The following DMD variants were observed in gnomAD, a reference collection of about 807,000 sequenced individuals.
The protein encoded by DMD is mutant dystrophin.
Under a neutral mutation model 330.1 loss-of-function variants are expected in DMD, and 63 were observed. The ratio of observed to expected loss-of-function variants is 0.19; its 90% CI spans 0.16 to 0.24. DMD has a LOEUF of 0.24. Ranked by LOEUF, DMD falls within the 10% of genes least tolerant of loss-of-function variation. The probability of loss-of-function intolerance (pLI) is 1.00; values close to 1 mark genes in which losing one functional copy is unlikely to be tolerated. For missense variants in DMD, 3,344 were observed against 2,684.1 expected, an observed-to-expected ratio of 1.25 and a Z score of -5.43; for synonymous variants, 1,223 against 959.8, an observed-to-expected ratio of 1.27 and a Z score of -5.07.
At chrX:32,734,737 G>A (rs747067414) in intron 7 of DMD, among the ~76,000 whole-genome samples, 4 of 109,981 alleles carry the variant, frequency 3.6e-5, no homozygotes, top group African/African-American at 6.8e-5. Context: ...AAAACTCTCA[G>A]TAAATTAGGT....
chrX:32,895,039 A>C (rs1288015780), intron 2 of DMD, among the ~76,000 whole-genome samples: 1 of 112,298 alleles, frequency 8.9e-6, no homozygotes, highest in Non-Finnish European at 1.9e-5. Context: ...TGTAAACAAC[A>C]ACCTTCTCCT....
In DMD at chrX:31,973,605, A is replaced by G. The variant is rs1238214309; in HGVS notation, c.6439-5091T>C. On this transcript the variant is annotated intron_variant, in intron 44 of 78. Transcript: ENST00000357033. ...CTCCTCACTTTCAAGCTTAGCTCCA[A>G]TGCCCAGTAAAACTGAGTAACTTTC... Among the ~76,000 whole-genome samples the G allele has an allele frequency of 4.5e-5, 5 of 111,157 alleles. No homozygotes were observed. In the East Asian group the frequency reaches 1.4e-3, roughly 32 times the overall value.
intron 29 of DMD, among the ~76,000 whole-genome samples, chrX:32,416,315 A>C (rs1189599440): frequency 1.8e-5 from 2 of 112,349 alleles, no homozygotes; most frequent in Non-Finnish European, 3.8e-5. Flanking sequence ...TTATGCTTGC[A>C]AATGGATTAA....
At chrX:31,191,875 T>C (rs1602546240) in intron 67 of DMD, among the ~76,000 whole-genome samples, 1 of 112,771 alleles carries the variant, frequency 8.9e-6, no homozygotes, top group Non-Finnish European at 1.9e-5. Flanking sequence ...TTGGCATTAA[T>C]AGCTGACAAC....
At chrX:31,190,309 T>A (rs2042191915) in intron 67 of DMD, among the ~76,000 whole-genome samples, 1 of 110,640 alleles carries the variant, frequency 9.0e-6, no homozygotes, top group Admixed American at 9.7e-5. Context: ...ATAGTTCGTT[T>A]CAGATGCTCA....
At chrX:31,859,271 A>C (rs752488723) in intron 48 of DMD, among the ~76,000 whole-genome samples, 1 of 111,851 alleles carries the variant, frequency 8.9e-6, no homozygotes, top group Non-Finnish European at 1.9e-5. Context: ...AAGACTGGTC[A>C]TTATCCATGA....
At chrX:32,879,002 C>T (rs1206497486) in intron 2 of DMD, among the ~76,000 whole-genome samples, 1 of 89,452 alleles carries the variant, frequency 1.1e-5, no homozygotes, top group Non-Finnish European at 2.2e-5. Context: ...ACCAAGACTA[C>T]GTCTCAAAAA....
chrX:33,045,714 T>C (rs984719638), intron 1 of DMD, among the ~76,000 whole-genome samples: 19 of 110,950 alleles, frequency 1.7e-4, no homozygotes, highest in Non-Finnish European at 3.4e-4. Context: ...CATTATAATG[T>C]CCTCTTAGGG....
Position 32,849,704 on chromosome X carries a change from C to A in DMD, c.186+24G>T, listed in dbSNP as rs771284910. 4.5e-6 allele frequency: 5 copies of A among 1,116,750 alleles called. No individual in the cohort carries two copies. The South Asian group carries it at 7.3e-5, about 16-fold the overall frequency. 92.0% of individuals were successfully genotyped at this position (1,116,750 alleles called of 1,213,427 possible). On this transcript the variant is annotated intron_variant, in intron 3 of 78. Coordinates refer to ENST00000357033, the MANE Select transcript of DMD (RefSeq NM_004006.3). Reference sequence around the variant, plus strand: ...GAAATTCTACTAAGTTTAAAGTTAACTTTCTTAAAAATAAGTCACATACCA... The same window carrying A: ...GAAATTCTACTAAGTTTAAAGTTAAATTTCTTAAAAATAAGTCACATACCA...
chrX:32,548,866 T>C (rs2049242185), intron 16 of DMD, among the ~76,000 whole-genome samples: 1 of 111,388 alleles, frequency 9.0e-6, no homozygotes, highest in African/African-American at 3.3e-5. Flanking sequence ...ATGATAAGAA[T>C]AACGTAGTGC....
At chrX:32,153,367 G>A (rs932222618) in intron 44 of DMD, among the ~76,000 whole-genome samples, 6 of 111,003 alleles carry the variant, frequency 5.4e-5, no homozygotes, top group African/African-American at 2.0e-4. Context: ...TTCCAGTACT[G>A]CAGATAATAT....
chrX:32,643,376 G>C (rs2059592733), intron 11 of DMD, among the ~76,000 whole-genome samples: 1 of 107,109 alleles, frequency 9.3e-6, no homozygotes, highest in Non-Finnish European at 1.9e-5. Context: ...ATAAATAATA[G>C]TTAAATAAAC....
At chrX:32,330,942 A>T (rs1003748515) in intron 41 of DMD, among the ~76,000 whole-genome samples, 3 of 111,657 alleles carry the variant, frequency 2.7e-5, no homozygotes, top group Non-Finnish European at 5.7e-5. Flanking sequence ...CAATACCACG[A>T]TCACTACCCC....
chrX:31,414,899 A>G (rs757883781), intron 60 of DMD, among the ~76,000 whole-genome samples: 1 of 112,482 alleles, frequency 8.9e-6, no homozygotes, highest in Non-Finnish European at 1.9e-5. Flanking sequence ...AGTGAATACC[A>G]CAGACAACTA....
intron 44 of DMD, among the ~76,000 whole-genome samples, chrX:32,015,601 C>T: frequency 8.9e-6 from 1 of 112,078 alleles, no homozygotes; most frequent in East Asian, 2.8e-4. Context: ...TACTTACTCT[C>T]CATCTGCATT....
chrX:32,118,218 A>G (rs2096619276), intron 44 of DMD, among the ~76,000 whole-genome samples: 1 of 111,808 alleles, frequency 8.9e-6, no homozygotes, highest in South Asian at 3.7e-4. Context: ...AGTAAAGTTT[A>G]TTGCTTTACT....
At chrX:32,017,445 A>G (rs776207695) in intron 44 of DMD, among the ~76,000 whole-genome samples, 24 of 111,854 alleles carry the variant, frequency 2.1e-4, no homozygotes, top group African/African-American at 7.8e-4. Flanking sequence ...GCTGGGAAAA[A>G]AGTTTAGAGG....
chrX:33,128,753 G>A (rs1292146531), intron 1 of DMD, among the ~76,000 whole-genome samples: 2 of 112,306 alleles, frequency 1.8e-5, no homozygotes, highest in Non-Finnish European at 3.8e-5. Context: ...GCGCACCTGT[G>A]TGATGCTAGG....
chrX:32,909,196 AC>A (rs1460804420), intron 2 of DMD, among the ~76,000 whole-genome samples: 1 of 109,436 alleles, frequency 9.1e-6, no homozygotes, highest in African/African-American at 3.3e-5. Context: ...TAACTATGGT[AC>A]TAAGAAAGAA....
Sources: allele counts gnomAD v4.1 joint callset (sites outside exome capture counted in the v4.1 genomes callset), GRCh38; gene constraint gnomAD v4.1.1; transcripts MANE v1.5; gene names NCBI Gene and HGNC (gene_info 2026-07-23, HGNC 2026-07-21).